The following PRKACB variants were observed in gnomAD, a reference collection of about 807,000 sequenced individuals.
The protein encoded by PRKACB is cAMP-dependent protein kinase catalytic subunit beta.
Under a neutral mutation model 51.4 loss-of-function variants are expected in PRKACB, and 16 were observed. That is an observed-to-expected ratio of 0.31 (90% CI 0.21 to 0.47). The LOEUF (loss-of-function observed/expected upper bound fraction) is 0.47. Among genes scored for constraint, PRKACB ranks in the 20% least tolerant of loss-of-function variants. The pLI is 1.00. For missense variants in PRKACB, 309 were observed against 464.5 expected, an observed-to-expected ratio of 0.67 and a Z score of 3.08; for synonymous variants, 147 against 154.4, an observed-to-expected ratio of 0.95 and a Z score of 0.35.
At chr1:84,165,672 A>G (rs1408888353) in intron 1 of PRKACB, among the ~76,000 whole-genome samples, 2 of 151,802 alleles carry the variant, frequency 1.3e-5, no homozygotes, top group Non-Finnish European at 2.9e-5. Context: ...AAATATTTCC[A>G]AAACTGTTTT....
In PRKACB at chr1:84,188,050, T is replaced by G. The variant is rs186859655; in HGVS notation, c.560+2868T>G. ...TACTGGACCTGTGCAAATAGTCATA[T>G]TCCCATAAAAGTACTTACAACTAAT... is the stretch of plus-strand genomic sequence containing the variant. On this transcript the variant is annotated intron_variant, in intron 5 of 9. Transcript: ENST00000370685. Among the ~76,000 whole-genome samples the G allele has an allele frequency of 2.6e-5, 4 of 152,254 alleles. No homozygotes were observed. In the South Asian group the frequency reaches 8.3e-4, roughly 32 times the overall value.
intron 5 of PRKACB, among the ~76,000 whole-genome samples, chr1:84,194,725 A>C (rs779922636): frequency 1.3e-5 from 2 of 152,106 alleles, no homozygotes; most frequent in African/African-American, 2.4e-5. Flanking sequence ...CAGGAATTCA[A>C]AACCAGCCTG....
intron 1 of PRKACB, among the ~76,000 whole-genome samples, chr1:84,124,842 C>G (rs1473024825): frequency 6.6e-6 from 1 of 152,092 alleles, no homozygotes; most frequent in East Asian, 1.9e-4. Context: ...GTTAGTAGAT[C>G]AATGAAATTT....
intron 8 of PRKACB, chr1:84,204,627 C>A: frequency 8.3e-7 from 1 of 1,206,114 alleles, no homozygotes; most frequent in Non-Finnish European, 1.1e-6. Context: ...ACATTAAAAT[C>A]ACAAATGGAA....
chr1:84,178,362 GTTTTCT>G (rs1365490038), intron 1 of PRKACB, among the ~76,000 whole-genome samples: 1 of 151,850 alleles, frequency 6.6e-6, no homozygotes, highest in Non-Finnish European at 1.5e-5. Flanking sequence ...ATCTGAAGTT[GTTTTCT>G]AAGATAGCTT....
chr1:84,085,074 G>C (rs910201263), intron 1 of PRKACB, among the ~76,000 whole-genome samples: 4 of 152,098 alleles, frequency 2.6e-5, no homozygotes, highest in Non-Finnish European at 4.4e-5. Context: ...TTTGAAAAGA[G>C]GAAAGCCAAA....
chr1:84,198,910 G>A (rs1199060271), intron 7 of PRKACB, among the ~76,000 whole-genome samples: 2 of 146,588 alleles, frequency 1.4e-5, no homozygotes, highest in Non-Finnish European at 3.0e-5. Flanking sequence ...ATACACATAT[G>A]TGTGGTGTGT....
At chr1:84,188,153 AT>A (rs1468602537) in intron 5 of PRKACB, among the ~76,000 whole-genome samples, 1 of 152,126 alleles carries the variant, frequency 6.6e-6, no homozygotes, top group Non-Finnish European at 1.5e-5. Context: ...GCTATAAATT[AT>A]AAATAGCTAA....
chr1:84,220,028 A>C (rs1390634697), intron 9 of PRKACB, among the ~76,000 whole-genome samples: 1 of 151,954 alleles, frequency 6.6e-6, no homozygotes, highest in Non-Finnish European at 1.5e-5. Flanking sequence ...GAATCTGTAA[A>C]TTTATTTGCA....
intron 9 of PRKACB, among the ~76,000 whole-genome samples, chr1:84,232,868 T>C (rs1675963436): frequency 6.6e-6 from 1 of 152,206 alleles, no homozygotes; most frequent in Non-Finnish European, 1.5e-5. Context: ...CTTTATCCAA[T>C]TTGCCAAGTC....
At chr1:84,134,345 G>A (rs1456955819) in intron 1 of PRKACB, among the ~76,000 whole-genome samples, 3 of 114,812 alleles carry the variant, frequency 2.6e-5, no homozygotes, top group African/African-American at 5.7e-5. Flanking sequence ...TGGGGCCTTC[G>A]CTGGGGACCC....
intron 9 of PRKACB, among the ~76,000 whole-genome samples, chr1:84,225,086 G>A (rs956076261): frequency 1.5e-4 from 23 of 152,282 alleles, no homozygotes; most frequent in African/African-American, 5.1e-4. Flanking sequence ...AGGAGGGGTG[G>A]CACTTAAAGG....
chr1:84,096,781 G>A (rs1240856892), intron 1 of PRKACB, among the ~76,000 whole-genome samples: 2 of 151,904 alleles, frequency 1.3e-5, no homozygotes, highest in African/African-American at 2.4e-5. Flanking sequence ...TATAAAGTGT[G>A]CACATTTTTA....
chr1:84,124,904 A>G (rs1305616529), intron 1 of PRKACB, among the ~76,000 whole-genome samples: 1 of 152,204 alleles, frequency 6.6e-6, no homozygotes, highest in Admixed American at 6.5e-5. Context: ...TGCCCACATC[A>G]ACCATGACTA....
At chr1:84,157,261 C>G (rs1032884976) in intron 1 of PRKACB, 1 of 152,066 alleles carries the variant, frequency 6.6e-6, no homozygotes, top group Admixed American at 6.6e-5. Flanking sequence ...TAGATCATTC[C>G]CCTGAGGTAA....
intron 1 of PRKACB, among the ~76,000 whole-genome samples, chr1:84,167,863 C>T (rs1287883084): frequency 2.0e-5 from 3 of 151,418 alleles, no homozygotes; most frequent in Non-Finnish European, 3.0e-5. Flanking sequence ...ATATAAAATG[C>T]TTAAGAAACT....
intron 1 of PRKACB, among the ~76,000 whole-genome samples, chr1:84,082,543 G>A (rs372205356): frequency 3.5e-4 from 53 of 151,166 alleles, no homozygotes; most frequent in African/African-American, 1.1e-3. Context: ...TTCCCTTCTT[G>A]CCCAATAGTT....
intron 9 of PRKACB, among the ~76,000 whole-genome samples, chr1:84,224,980 T>A (rs1253391184): frequency 6.6e-6 from 1 of 151,896 alleles, no homozygotes; most frequent in South Asian, 2.1e-4. Flanking sequence ...ATAGCCTGAG[T>A]CTTTCGTCAT....
intron 1 of PRKACB, among the ~76,000 whole-genome samples, chr1:84,087,515 A>G (rs1322219812): frequency 2.0e-5 from 3 of 152,180 alleles, no homozygotes; most frequent in African/African-American, 7.2e-5. Context: ...ATTTTTAGCA[A>G]TTTCAAAAGC....
Sources: gnomAD v4.1 joint callset for allele counts (sites outside exome capture counted in the v4.1 genomes callset) on GRCh38, gnomAD v4.1.1 for gene constraint, MANE v1.5 for transcripts, NCBI Gene and HGNC (gene_info 2026-07-23, HGNC 2026-07-21) for gene names.